The following MCC variants were observed in gnomAD, a reference collection of about 807,000 sequenced individuals.
MCC encodes the protein colorectal mutant cancer protein.
A neutral mutation model predicts 116.2 loss-of-function variants in MCC; 90 were observed. That is an observed-to-expected ratio of 0.77 (90% CI 0.65 to 0.92). MCC has a LOEUF of 0.92. Ranked by LOEUF, MCC falls within the 40% of genes least tolerant of loss-of-function variation. The pLI, the probability that MCC is intolerant of heterozygous loss-of-function variation, is 0.00. For missense variants in MCC, 1,516 were observed against 1,312.2 expected (o/e 1.16, Z -2.40); for synonymous variants, 578 against 510.5 (o/e 1.13, Z -1.78).
intron 16 of MCC, among the ~76,000 whole-genome samples, chr5:113,046,308 G>A (rs1009002641): frequency 6.6e-6 from 1 of 151,792 alleles, no homozygotes; most frequent in Non-Finnish European, 1.5e-5. Flanking sequence ...TTCTTGTGCC[G>A]CAGCCTCCCG....
chr5:113,193,558 G>A (rs767028455), intron 3 of MCC, among the ~76,000 whole-genome samples: 2 of 152,048 alleles, frequency 1.3e-5, no homozygotes, highest in Non-Finnish European at 2.9e-5. Context: ...AATTCTCTCC[G>A]TATCTTGTCA....
chr5:113,081,004 A>T (rs1754822253), intron 11 of MCC, among the ~76,000 whole-genome samples: 1 of 152,148 alleles, frequency 6.6e-6, no homozygotes, highest in African/African-American at 2.4e-5. Flanking sequence ...CATGCCACAT[A>T]GCCTAGCATA....
intron 1 of MCC, among the ~76,000 whole-genome samples, chr5:113,472,197 T>G (rs1002927023): frequency 5.3e-5 from 8 of 152,142 alleles, no homozygotes; most frequent in African/African-American, 1.9e-4. Context: ...CACTCCCCAG[T>G]GAGATGAACC....
intron 14 of MCC, among the ~76,000 whole-genome samples, chr5:113,055,612 T>C (rs751147819): frequency 5.9e-5 from 9 of 152,176 alleles, no homozygotes; most frequent in Non-Finnish European, 8.8e-5. Context: ...ACTCCCTCTG[T>C]ACCATCAGGA....
At chr5:113,092,937 A>G (rs1581040219) in intron 8 of MCC, among the ~76,000 whole-genome samples, 1 of 152,202 alleles carries the variant, frequency 6.6e-6, no homozygotes, top group Non-Finnish European at 1.5e-5. Context: ...GTCATGGGAA[A>G]TGGGAAGCAA....
chr5:113,027,623 C>T lies in MCC; in HGVS notation c.2880-141G>A, dbSNP rs115585622. The stretch of plus-strand genomic sequence containing the variant: ...ATCCTCTTCGGTAAGAATCTGAAAT[C>T]TAGTGGTCAGAGGAGGGACAGCACC... On this transcript the variant is annotated intron_variant, in intron 18 of 18. Transcript: ENST00000408903. 1,415 of 810,784 alleles carry T rather than the reference C, an allele frequency of 1.7e-3. 10 individuals carry two copies. The African/African-American group carries it at 0.021, about 12-fold the overall frequency. 50.2% of individuals were successfully genotyped at this position (810,784 alleles called of 1,614,324 possible). A position where few individuals can be genotyped will look rare whatever the true frequency, so the allele number is the denominator to read the frequency against.
intron 3 of MCC, among the ~76,000 whole-genome samples, chr5:113,269,879 A>C (rs1181480306): frequency 6.6e-6 from 1 of 152,238 alleles, no homozygotes; most frequent in African/African-American, 2.4e-5. Flanking sequence ...AAGGCAACAG[A>C]GTACACTGAG....
intron 3 of MCC, among the ~76,000 whole-genome samples, chr5:113,249,259 A>G (rs1024546032): frequency 6.6e-6 from 1 of 152,088 alleles, no homozygotes. Context: ...CTCTATAAAA[A>G]CCATTCTCCT....
chr5:113,316,069 A>G (rs2150369670), intron 3 of MCC, among the ~76,000 whole-genome samples: 1 of 152,248 alleles, frequency 6.6e-6, no homozygotes, highest in South Asian at 2.1e-4. Flanking sequence ...CAGCCTGACC[A>G]ACAAGGTGAA....
intron 8 of MCC, among the ~76,000 whole-genome samples, chr5:113,090,554 C>T (rs1755548731): frequency 1.3e-5 from 2 of 152,158 alleles, no homozygotes; most frequent in African/African-American, 4.8e-5. Flanking sequence ...AATTTGGACA[C>T]GTTCCTCAAC....
intron 3 of MCC, among the ~76,000 whole-genome samples, chr5:113,176,818 A>G (rs1422421234): frequency 4.6e-5 from 7 of 151,932 alleles, no homozygotes; most frequent in African/African-American, 1.7e-4. Flanking sequence ...TTGCCTCACA[A>G]ATCTTTCTGG....
chr5:113,116,469 T>G (rs1004900121), intron 6 of MCC, among the ~76,000 whole-genome samples: 3 of 152,154 alleles, frequency 2.0e-5, no homozygotes. Flanking sequence ...CAAAACCAAA[T>G]CAACCTTAAA....
intron 3 of MCC, among the ~76,000 whole-genome samples, chr5:113,267,472 G>T (rs147775904): frequency 6.6e-6 from 1 of 152,264 alleles, no homozygotes; most frequent in Non-Finnish European, 1.5e-5. Flanking sequence ...GGGAAGTAAA[G>T]AGGGCAGCAC....
intron 3 of MCC, among the ~76,000 whole-genome samples, chr5:113,240,070 A>T (rs140054728): frequency 0.011 from 1,693 of 152,262 alleles, 39 homozygotes; most frequent in African/African-American, 0.034. Context: ...TTAAATCTTC[A>T]TAAGTGATTA....
intron 3 of MCC, among the ~76,000 whole-genome samples, chr5:113,159,828 A>T (rs781202526): frequency 1.3e-5 from 2 of 152,224 alleles, no homozygotes; most frequent in African/African-American, 4.8e-5. Context: ...GCTATGTAGT[A>T]TTTCAAGAAA....
chr5:113,484,798 A>G (rs1388091722), intron 1 of MCC, among the ~76,000 whole-genome samples: 1 of 152,236 alleles, frequency 6.6e-6, no homozygotes, highest in Non-Finnish European at 1.5e-5. Context: ...TTAAAATTCC[A>G]AAGGGAAAAT....
intron 1 of MCC, among the ~76,000 whole-genome samples, chr5:113,430,353 T>C (rs951882657): frequency 2.0e-5 from 3 of 152,332 alleles, no homozygotes; most frequent in East Asian, 1.9e-4. Context: ...GTTCTTCCTA[T>C]GTAGATAGTT....
At chr5:113,139,226 T>G (rs1759031326) in intron 5 of MCC, among the ~76,000 whole-genome samples, 1 of 152,204 alleles carries the variant, frequency 6.6e-6, no homozygotes, top group South Asian at 2.1e-4. Flanking sequence ...CATCGCTGAT[T>G]CCTCAGGCTT....
rs758597776 is a variant in MCC, at chr5:113,064,072, T to G, written c.2125A>C (p.Lys709Gln). 4 of 1,614,094 alleles carry G rather than the reference T, an allele frequency of 2.5e-6. No homozygotes were observed. The African/African-American group carries it at 5.3e-5, about 22-fold the overall frequency. Residue 709 changes from lysine (K) to glutamine (Q), a missense_variant, in exon 14 of 19, where the codon AAG becomes CAG. Physicochemically the swap from Lys to Gln is moderately conservative, Grantham distance 53. Coordinates refer to ENST00000408903, the MANE Select transcript of MCC (RefSeq NM_001085377.2). ...AENAAKALLM[K>Q]LDGSCGGAFA... ...GCTCCCCCACAGCTGCCGTCCAGCT[T>G]CATGAGCAGGGCCTTGGCAGCGTTC...
Sources: gnomAD v4.1 joint callset for allele counts (sites outside exome capture counted in the v4.1 genomes callset) on GRCh38, gnomAD v4.1.1 for gene constraint, MANE v1.5 for transcripts, NCBI Gene and HGNC (gene_info 2026-07-23, HGNC 2026-07-21) for gene names.